ERBB4: variants seen among roughly 807,000 people sequenced by gnomAD.
ERBB4 encodes the protein receptor tyrosine-protein kinase erbB-4.
In ERBB4, 42 loss-of-function variants were observed where a neutral mutation model predicts 158.0. That is an observed-to-expected ratio of 0.27 (90% confidence interval 0.21 to 0.34). ERBB4 has a LOEUF of 0.34. Among genes scored for constraint, ERBB4 ranks in the 10% least tolerant of loss-of-function variants. The pLI, the probability that ERBB4 is intolerant of heterozygous loss-of-function variation, is 1.00. For missense variants in ERBB4, 1,333 were observed against 1,624.1 expected (o/e 0.82, Z 3.08); for synonymous variants, 583 against 558.7 (o/e 1.04, Z -0.61).
Position 211,878,829 on chromosome 2 carries a change from CA to C in ERBB4, c.421+68600del, listed in dbSNP as rs533091433. Among the ~76,000 whole-genome samples, 285 of 151,174 alleles carry C rather than the reference CA, an allele frequency of 1.9e-3. 1 individual carries two copies. The highest frequency in any genetic ancestry group is 6.6e-3 in the African/African-American group (274 of 41,314). ...AATTAAAATTTTAAGTAGAAAAAAA[CA>C]AAAAACAAAAATTGCATTAGAGAAA... is the stretch of plus-strand genomic sequence containing the variant. On this transcript the variant is annotated intron_variant, in intron 3 of 27. Transcript: ENST00000342788.
intron 3 of ERBB4, among the ~76,000 whole-genome samples, chr2:211,791,866 C>A (rs560074010): frequency 3.8e-4 from 57 of 151,776 alleles, no homozygotes; most frequent in African/African-American, 1.4e-3. Flanking sequence ...TTAATGCATG[C>A]AAGTTGAGTA....
chr2:212,490,772 C>A (rs1690231692), intron 1 of ERBB4, among the ~76,000 whole-genome samples: 2 of 151,648 alleles, frequency 1.3e-5, no homozygotes, highest in South Asian at 4.1e-4. Context: ...TAATTAACTA[C>A]GGGCTTTAAT....
intron 12 of ERBB4, among the ~76,000 whole-genome samples, chr2:211,683,980 T>C (rs1178891669): frequency 2.6e-5 from 4 of 152,202 alleles, no homozygotes; most frequent in Admixed American, 6.5e-5. Context: ...ATTTTTCATT[T>C]ATATACTCTC....
intron 1 of ERBB4, among the ~76,000 whole-genome samples, chr2:212,374,584 G>A (rs2090255777): frequency 6.6e-6 from 1 of 151,576 alleles, no homozygotes; most frequent in Non-Finnish European, 1.5e-5. Flanking sequence ...AAGTTTTAAT[G>A]AGTCAGTCTA....
chr2:211,685,981 T>C (rs1404631298), intron 12 of ERBB4, among the ~76,000 whole-genome samples: 1 of 152,202 alleles, frequency 6.6e-6, no homozygotes, highest in South Asian at 2.1e-4. Flanking sequence ...CCTATAATCA[T>C]GCTGAATTTG....
intron 1 of ERBB4, among the ~76,000 whole-genome samples, chr2:212,485,694 G>T (rs1483991007): frequency 6.6e-6 from 1 of 152,022 alleles, no homozygotes; most frequent in Non-Finnish European, 1.5e-5. Flanking sequence ...CCATAAACTG[G>T]GTGGTTTACA....
At chr2:212,093,326 C>T (rs1462852515) in intron 2 of ERBB4, among the ~76,000 whole-genome samples, 1 of 152,158 alleles carries the variant, frequency 6.6e-6, no homozygotes, top group East Asian at 1.9e-4. Flanking sequence ...GATAATATTA[C>T]TATCATTTCT....
At chr2:212,025,205 T>C (rs1262236196) in intron 2 of ERBB4, among the ~76,000 whole-genome samples, 2 of 151,808 alleles carry the variant, frequency 1.3e-5, no homozygotes, top group African/African-American at 4.8e-5. Context: ...TTTCTATCAA[T>C]TGGTGCACTT....
At chr2:211,483,129 CGAAT>C (rs2065126106) in intron 20 of ERBB4, among the ~76,000 whole-genome samples, 2 of 151,712 alleles carry the variant, frequency 1.3e-5, no homozygotes, top group Admixed American at 1.3e-4. Flanking sequence ...CAGAAAAAAA[CGAAT>C]GAACTTGAAA....
chr2:212,084,431 T>C (rs1167212844), intron 2 of ERBB4, among the ~76,000 whole-genome samples: 2 of 151,962 alleles, frequency 1.3e-5, no homozygotes, highest in East Asian at 3.9e-4. Flanking sequence ...TAAGGGCAAT[T>C]TCCCTCTTAC....
intron 3 of ERBB4, among the ~76,000 whole-genome samples, chr2:211,914,986 A>C (rs1279609211): frequency 6.6e-6 from 1 of 152,180 alleles, no homozygotes; most frequent in Non-Finnish European, 1.5e-5. Context: ...CTTTATATTC[A>C]AAATTTCCAA....
At chr2:211,499,062 A>G (rs2065548825) in intron 20 of ERBB4, among the ~76,000 whole-genome samples, 1 of 152,162 alleles carries the variant, frequency 6.6e-6, no homozygotes, top group Non-Finnish European at 1.5e-5. Context: ...GTGCTGAGTA[A>G]GCATGCAATC....
chr2:212,139,870 C>T (rs1350038162), intron 1 of ERBB4, among the ~76,000 whole-genome samples: 1 of 151,830 alleles, frequency 6.6e-6, no homozygotes, highest in African/African-American at 2.4e-5. Flanking sequence ...GAACATGACT[C>T]ATTTTCAGTT....
intron 2 of ERBB4, among the ~76,000 whole-genome samples, chr2:211,959,020 A>G (rs2081102311): frequency 6.6e-6 from 1 of 152,082 alleles, no homozygotes; most frequent in Admixed American, 6.6e-5. Context: ...AAATATAACC[A>G]AACAATCCTA....
chr2:211,524,687 C>T (rs1358211668), intron 20 of ERBB4, among the ~76,000 whole-genome samples: 3 of 129,166 alleles, frequency 2.3e-5, no homozygotes, highest in Admixed American at 7.2e-5. Flanking sequence ...GGCCGCCAAG[C>T]CCACGCCCAC....
At chr2:211,788,759 T>C (rs1341934626) in intron 3 of ERBB4, among the ~76,000 whole-genome samples, 1 of 152,146 alleles carries the variant, frequency 6.6e-6, no homozygotes, top group Non-Finnish European at 1.5e-5. Context: ...CAAGGTGACA[T>C]TGACTGCAGT....
intron 2 of ERBB4, among the ~76,000 whole-genome samples, chr2:212,007,027 T>A (rs2076276007): frequency 6.6e-6 from 1 of 152,068 alleles, no homozygotes; most frequent in Non-Finnish European, 1.5e-5. Context: ...AAAATATGGT[T>A]ATACTACTAT....
chr2:211,961,702 T>C (rs1016586613), intron 2 of ERBB4, among the ~76,000 whole-genome samples: 27 of 152,100 alleles, frequency 1.8e-4, no homozygotes, highest in African/African-American at 6.5e-4. Flanking sequence ...CAGCTGCCAT[T>C]TGTTGGAAGT....
At chr2:211,563,590 G>T (rs2067465927) in intron 19 of ERBB4, among the ~76,000 whole-genome samples, 1 of 152,122 alleles carries the variant, frequency 6.6e-6, no homozygotes, top group African/African-American at 2.4e-5. Context: ...GATAATTGAG[G>T]AAATCTAAAT....
Sources: allele counts gnomAD v4.1 joint callset (sites outside exome capture counted in the v4.1 genomes callset), GRCh38; gene constraint gnomAD v4.1.1; transcripts MANE v1.5; gene names NCBI Gene and HGNC (gene_info 2026-07-23, HGNC 2026-07-21).